The following KHDRBS2 variants were observed in gnomAD, a reference collection of about 807,000 sequenced individuals.
KHDRBS2 encodes KH RNA binding domain containing, signal transduction associated 2, also known as KH domain-containing, RNA-binding, signal transduction-associated protein 2.
In KHDRBS2, 26 loss-of-function variants were observed where a neutral mutation model predicts 44.3. The ratio of observed to expected loss-of-function variants is 0.59; its 90% CI spans 0.43 to 0.81. KHDRBS2 has a LOEUF of 0.81. KHDRBS2 is among the 40% of genes least tolerant of loss of function. The probability of loss-of-function intolerance (pLI) is 0.00; values close to 1 mark genes in which losing one functional copy is unlikely to be tolerated. For synonymous variants in KHDRBS2, 194 were observed against 151.1 expected, an observed-to-expected ratio of 1.28 and a Z score of -2.08; for missense variants, 476 against 433.1, an observed-to-expected ratio of 1.10 and a Z score of -0.88.
At chr6:61,556,937 A>C in the KHDRBS2 span, among the ~76,000 whole-genome samples, 1 of 130,506 alleles carries the variant, frequency 7.7e-6, no homozygotes, top group African/African-American at 2.9e-5. Flanking sequence ...GAAAAATTCA[A>C]TGACTACCAA....
chr6:61,970,761 C>T (rs190879843), intron 4 of KHDRBS2, among the ~76,000 whole-genome samples: 137 of 152,272 alleles, frequency 9.0e-4, no homozygotes, highest in African/African-American at 3.1e-3. Flanking sequence ...TCTATGTTCA[C>T]ATCACCTACC....
rs558952322 is a variant in KHDRBS2, at chr6:62,183,863, G to A, written c.92-6551C>T. Among the ~76,000 whole-genome samples the A allele has an allele frequency of 2.2e-3, 333 of 151,574 alleles. 1 individual carries two copies. The highest frequency in any genetic ancestry group is 7.5e-3 in the African/African-American group (310 of 41,478). On this transcript the variant is annotated intron_variant, in intron 1 of 8. Transcript: ENST00000281156. ...TGTAAAACACCTAACTTTTCTTTAC[G>A]AATATTTTTGGAAGGAACTTTAACT...
In KHDRBS2 at chr6:61,896,555, C is replaced by T. The variant is rs549506740; in HGVS notation, c.612-1722G>A. Among the ~76,000 whole-genome samples the T allele has an allele frequency of 3.3e-5, 5 of 152,294 alleles. No homozygotes were observed. In the South Asian group the frequency reaches 1.0e-3, roughly 32 times the overall value. ...GCCTCCTGAACCTGACTCATTACCTCTTATCCACTATGTTCTTTCCCTGGA... is the reference window on the plus strand; with the variant it reads ...GCCTCCTGAACCTGACTCATTACCTTTTATCCACTATGTTCTTTCCCTGGA... On this transcript the variant is annotated intron_variant, in intron 5 of 8. Coordinates refer to ENST00000281156, the MANE Select transcript of KHDRBS2 (RefSeq NM_152688.4).
intron 6 of KHDRBS2, among the ~76,000 whole-genome samples, chr6:61,807,385 G>A (rs1267072759): frequency 2.0e-5 from 3 of 152,068 alleles, no homozygotes; most frequent in Admixed American, 1.3e-4. Context: ...GTTCATTGTA[G>A]CACTACTCAC....
intron 3 of KHDRBS2, among the ~76,000 whole-genome samples, chr6:62,015,107 A>C (rs1780977023): frequency 6.6e-6 from 1 of 152,146 alleles, no homozygotes; most frequent in Admixed American, 6.6e-5. Context: ...TTGAAAAGTA[A>C]TTGTTATCTC....
In KHDRBS2 at chr6:61,748,634, T is replaced by A. The variant is rs994538415; in HGVS notation, c.811-15870A>T. Among the ~76,000 whole-genome samples the A allele has an allele frequency of 3.5e-4, 53 of 152,362 alleles. 1 individual carries two copies. Among genetic ancestry groups the A allele is most frequent in the African/African-American group, 1.2e-3 (50 of 41,590 alleles). On this transcript the variant is annotated intron_variant, in intron 6 of 8. Coordinates refer to ENST00000281156, the MANE Select transcript of KHDRBS2 (RefSeq NM_152688.4). ...ATGTAACTTATATGGGCTAAACATA[T>A]CAGTTTGCCATACAGAGACCAAAAT... is the stretch of plus-strand genomic sequence containing the variant.
intron 6 of KHDRBS2, among the ~76,000 whole-genome samples, chr6:61,829,314 G>A (rs535087368): frequency 2.0e-5 from 3 of 151,898 alleles, no homozygotes; most frequent in Admixed American, 6.6e-5. Context: ...GGCGCCCACC[G>A]CCACGCTCAG....
the KHDRBS2 span, among the ~76,000 whole-genome samples, chr6:61,640,559 T>G: frequency 1.3e-5 from 2 of 152,074 alleles, no homozygotes; most frequent in Non-Finnish European, 2.9e-5. Context: ...AGTCTGGATT[T>G]TCACTGTTCT....
At chr6:62,142,178 C>A (rs762992101) in intron 2 of KHDRBS2, among the ~76,000 whole-genome samples, 1 of 152,068 alleles carries the variant, frequency 6.6e-6, no homozygotes, top group South Asian at 2.1e-4. Context: ...TCTAAAATAA[C>A]AGTGGGTAAA....
the KHDRBS2 span, among the ~76,000 whole-genome samples, chr6:61,590,571 T>C: frequency 6.6e-6 from 1 of 152,216 alleles, no homozygotes. Context: ...TAAATAATCC[T>C]GTTTAACCTT....
At chr6:61,778,252 A>T (rs1044715966) in intron 6 of KHDRBS2, among the ~76,000 whole-genome samples, 19 of 152,190 alleles carry the variant, frequency 1.2e-4, no homozygotes, top group African/African-American at 4.6e-4. Context: ...GGATGAACAG[A>T]GCCTCTGTCA....
At chr6:62,143,283 T>C (rs771779722) in intron 2 of KHDRBS2, among the ~76,000 whole-genome samples, 3 of 151,974 alleles carry the variant, frequency 2.0e-5, no homozygotes, top group Non-Finnish European at 4.4e-5. Context: ...CCACAAAAGC[T>C]TTCTTTTCAT....
At chr6:61,923,592 A>T (rs78196345) in intron 4 of KHDRBS2, among the ~76,000 whole-genome samples, 10,241 of 152,216 alleles carry the variant, frequency 0.067, 404 homozygotes, top group Middle Eastern at 0.13. Context: ...TAATCTCAAT[A>T]GATGTAGGAA....
chr6:62,228,480 C>T (rs1463878827), intron 1 of KHDRBS2, among the ~76,000 whole-genome samples: 4 of 152,002 alleles, frequency 2.6e-5, no homozygotes, highest in Non-Finnish European at 5.9e-5. Flanking sequence ...AAAACCAGCC[C>T]CTGGATTCAT....
intron 8 of KHDRBS2, among the ~76,000 whole-genome samples, chr6:61,682,255 T>G (rs1348519511): frequency 1.3e-5 from 2 of 151,882 alleles, no homozygotes; most frequent in African/African-American, 4.8e-5. Context: ...GATCAAAAGT[T>G]TATCATTGTT....
the KHDRBS2 span, among the ~76,000 whole-genome samples, chr6:61,577,998 T>TAAATAA: frequency 3.7e-4 from 57 of 152,158 alleles, no homozygotes; most frequent in African/African-American, 1.2e-3. Flanking sequence ...AAAGTCTCTC[T>TAAATAA]TCATTAATAA....
intron 8 of KHDRBS2, among the ~76,000 whole-genome samples, chr6:61,692,540 C>A (rs1277892572): frequency 6.6e-6 from 1 of 151,892 alleles, no homozygotes; most frequent in Non-Finnish European, 1.5e-5. Flanking sequence ...TAAAATAATA[C>A]ATTATTTTCT....
the KHDRBS2 span, among the ~76,000 whole-genome samples, chr6:61,602,620 C>T: frequency 0.028 from 4,201 of 152,168 alleles, 74 homozygotes; most frequent in Middle Eastern, 0.086. Context: ...CCATCACTGA[C>T]GCCAAGCTTC....
the KHDRBS2 span, among the ~76,000 whole-genome samples, chr6:61,615,247 A>AAAAAG: frequency 1.3e-5 from 2 of 150,196 alleles, no homozygotes; most frequent in South Asian, 2.1e-4. Flanking sequence ...AAAAAAAAAA[A>AAAAAG]AAAAGAAAGA....
Sources: gnomAD v4.1 joint callset for allele counts (sites outside exome capture counted in the v4.1 genomes callset) on GRCh38, gnomAD v4.1.1 for gene constraint, MANE v1.5 for transcripts, NCBI Gene and HGNC (gene_info 2026-07-23, HGNC 2026-07-21) for gene names.